The following SORCS3 variants were observed in gnomAD, a reference collection of about 807,000 sequenced individuals.
The protein encoded by SORCS3 is sortilin related VPS10 domain containing receptor 3, also known as VPS10 domain-containing receptor SorCS3.
SORCS3 carries 57 observed loss-of-function variants against 146.3 expected under a neutral mutation model. The observed-to-expected ratio is 0.39, with a 90% confidence interval of 0.31 to 0.49. The LOEUF is 0.49. SORCS3 is among the 20% of genes least tolerant of loss of function. The pLI, the probability that SORCS3 is intolerant of heterozygous loss-of-function variation, is 0.92. For synonymous variants in SORCS3, 653 were observed against 618.5 expected (o/e 1.06, Z -0.83); for missense variants, 1,341 against 1,575.5 (o/e 0.85, Z 2.52).
chr10:104,870,094 G>A (rs1331338507), intron 2 of SORCS3, among the ~76,000 whole-genome samples: 2 of 152,238 alleles, frequency 1.3e-5, no homozygotes, highest in Admixed American at 1.3e-4. Context: ...CATTATTTCT[G>A]TTCTCACGGA....
At chr10:104,942,331 G>A (rs879926774) in intron 3 of SORCS3, among the ~76,000 whole-genome samples, 6 of 152,074 alleles carry the variant, frequency 3.9e-5, no homozygotes, top group Non-Finnish European at 8.8e-5. Context: ...TTCCCACCAA[G>A]AAGTCACCAG....
chr10:104,807,394 A>G (rs1236154018), intron 1 of SORCS3, among the ~76,000 whole-genome samples: 1 of 152,224 alleles, frequency 6.6e-6, no homozygotes, highest in African/African-American at 2.4e-5. Flanking sequence ...ATGTGAATAC[A>G]TTATATATTT....
chr10:105,013,331 A>G (rs539477354), intron 4 of SORCS3, among the ~76,000 whole-genome samples: 1 of 152,242 alleles, frequency 6.6e-6, no homozygotes, highest in South Asian at 2.1e-4. Context: ...AATCAGGACT[A>G]AGACATGGAT....
chr10:104,715,729 A>G (rs879780206), intron 1 of SORCS3, among the ~76,000 whole-genome samples: 3 of 152,186 alleles, frequency 2.0e-5, no homozygotes, highest in Non-Finnish European at 4.4e-5. Context: ...ACTATAAAGC[A>G]GATAAGGACT....
At chr10:105,261,184 C>T (rs2056958252) in intron 25 of SORCS3, among the ~76,000 whole-genome samples, 1 of 152,140 alleles carries the variant, frequency 6.6e-6, no homozygotes, top group Non-Finnish European at 1.5e-5. Context: ...CACCCTAAAC[C>T]AACACCATAT....
At chr10:105,088,331 T>C (rs1345901395) in intron 5 of SORCS3, among the ~76,000 whole-genome samples, 1 of 152,186 alleles carries the variant, frequency 6.6e-6, no homozygotes, top group Non-Finnish European at 1.5e-5. Context: ...AACGATAGAA[T>C]GTCAATGATC....
intron 1 of SORCS3, among the ~76,000 whole-genome samples, chr10:104,724,880 AT>A (rs1391686322): frequency 6.6e-6 from 1 of 151,820 alleles, no homozygotes; most frequent in Admixed American, 6.6e-5. Flanking sequence ...CATTCGTCTA[AT>A]TTTTTTTCAA....
chr10:105,238,534 T>C (rs1176107553), intron 20 of SORCS3, among the ~76,000 whole-genome samples: 1 of 152,082 alleles, frequency 6.6e-6, no homozygotes, highest in Non-Finnish European at 1.5e-5. Context: ...GCTTTGGGGA[T>C]GATAGACTAA....
At chr10:104,642,022 G>GGGCCCCC in intron 1 of SORCS3, 68 bp downstream of exon 1, 2 of 173,336 alleles carry the variant, frequency 1.2e-5, no homozygotes, top group Non-Finnish European at 1.1e-5. Context: ...GGGTGGGTGG[G>GGGCCCCC]AGCGAGGGAC....
At chr10:104,762,734 C>G (rs74317294) in intron 1 of SORCS3, among the ~76,000 whole-genome samples, 22,979 of 152,184 alleles carry the variant, frequency 0.15, 2,170 homozygotes, top group Middle Eastern at 0.28. Context: ...TTCACTTGCT[C>G]GCTCTCCTGG....
intron 1 of SORCS3, among the ~76,000 whole-genome samples, chr10:104,723,535 G>C (rs1242934399): frequency 3.3e-5 from 5 of 152,088 alleles, no homozygotes; most frequent in Admixed American, 2.6e-4. Flanking sequence ...GGATATCCTT[G>C]TTAACTTTCT....
intron 1 of SORCS3, among the ~76,000 whole-genome samples, chr10:104,809,172 A>T (rs996347656): frequency 6.6e-6 from 1 of 152,232 alleles, no homozygotes; most frequent in African/African-American, 2.4e-5. Context: ...AAGCTGAAAT[A>T]GCCTATTTGT....
chr10:104,741,717 T>C (rs1251978355), intron 1 of SORCS3, among the ~76,000 whole-genome samples: 1 of 139,350 alleles, frequency 7.2e-6, no homozygotes, highest in East Asian at 2.2e-4. Context: ...TTTTTTTTTT[T>C]TTTTTTTTTT....
intron 1 of SORCS3, among the ~76,000 whole-genome samples, chr10:104,731,856 C>T (rs2016710057): frequency 6.6e-6 from 1 of 152,194 alleles, no homozygotes; most frequent in African/African-American, 2.4e-5. Flanking sequence ...TTTAGCCCTT[C>T]ATTCATCTCT....
At chr10:105,066,978 G>A (rs943859437) in intron 5 of SORCS3, among the ~76,000 whole-genome samples, 1 of 152,136 alleles carries the variant, frequency 6.6e-6, no homozygotes, top group African/African-American at 2.4e-5. Context: ...AAGAATAGCT[G>A]TACCTTCTTT....
intron 3 of SORCS3, among the ~76,000 whole-genome samples, chr10:104,974,543 G>A (rs2054882463): frequency 6.6e-6 from 1 of 152,034 alleles, no homozygotes; most frequent in Non-Finnish European, 1.5e-5. Flanking sequence ...TTTTCCGTTT[G>A]CTTGGTAGAT....
chr10:105,152,903 C>A (rs1371168461), intron 9 of SORCS3, among the ~76,000 whole-genome samples: 3 of 152,010 alleles, frequency 2.0e-5, no homozygotes, highest in Non-Finnish European at 4.4e-5. Context: ...AAATCCACGT[C>A]TGCTTGACAA....
chr10:104,749,044 C>T (rs761700941), intron 1 of SORCS3, among the ~76,000 whole-genome samples: 12 of 152,182 alleles, frequency 7.9e-5, no homozygotes, highest in Non-Finnish European at 1.2e-4. Context: ...AAGGTCACCA[C>T]TCCATGGGGG....
chr10:104,955,993 G>A (rs2019485837), intron 3 of SORCS3, among the ~76,000 whole-genome samples: 1 of 152,186 alleles, frequency 6.6e-6, no homozygotes. Flanking sequence ...TTTCTTAGAG[G>A]TGGTGGCATT....
Sources: gnomAD v4.1 joint callset for allele counts (sites outside exome capture counted in the v4.1 genomes callset) on GRCh38, gnomAD v4.1.1 for gene constraint, MANE v1.5 for transcripts, NCBI Gene and HGNC (gene_info 2026-07-23, HGNC 2026-07-21) for gene names.